The following OPRM1 variants were observed in gnomAD, a reference collection of about 807,000 sequenced individuals.
OPRM1 encodes the protein opioid receptor mu 1.
A neutral mutation model predicts 31.8 loss-of-function variants in OPRM1; 27 were observed. That is an observed-to-expected ratio of 0.85 (90% CI 0.63 to 1.17). The LOEUF is 1.17. Ranked by LOEUF, OPRM1 falls within the 50% of genes most tolerant of loss-of-function variation. OPRM1 has a pLI of 0.00. For synonymous variants in OPRM1, 196 were observed against 189.9 expected, an observed-to-expected ratio of 1.03 and a Z score of -0.26; for missense variants, 536 against 511.1, an observed-to-expected ratio of 1.05 and a Z score of -0.47.
At chr6:154,073,911 G>C (rs1224211293) in intron 1 of OPRM1, 1 of 152,242 alleles carries the variant, frequency 6.6e-6, no homozygotes, top group African/African-American at 2.4e-5. Context: ...AGAATCATTT[G>C]AACCTGGGAG....
intron 3 of OPRM1, among the ~76,000 whole-genome samples, chr6:154,235,795 G>A (rs1174034399): frequency 6.6e-6 from 1 of 152,184 alleles, no homozygotes; most frequent in Non-Finnish European, 1.5e-5. Context: ...TGCGAAAGTT[G>A]CTCAAGGTCA....
chr6:154,143,750 A>T (rs1203682818), intron 3 of OPRM1, among the ~76,000 whole-genome samples: 2 of 152,190 alleles, frequency 1.3e-5, no homozygotes, highest in Non-Finnish European at 2.9e-5. Flanking sequence ...CTAAAACAAG[A>T]CTCAGGAATT....
At chr6:154,073,336 A>C (rs1383699680) in intron 1 of OPRM1, among the ~76,000 whole-genome samples, 1 of 152,200 alleles carries the variant, frequency 6.6e-6, no homozygotes, top group Admixed American at 6.5e-5. Flanking sequence ...GGGCAGAGAT[A>C]CTAGGCTATA....
chr6:154,074,371 C>T (rs1034382098), intron 1 of OPRM1: 9 of 152,106 alleles, frequency 5.9e-5, no homozygotes, highest in African/African-American at 2.2e-4. Flanking sequence ...CTAAAAATAA[C>T]AACTTTAATT....
chr6:154,042,846 A>G (rs934439550), intron 1 of OPRM1, among the ~76,000 whole-genome samples: 4 of 152,206 alleles, frequency 2.6e-5, no homozygotes, highest in Non-Finnish European at 1.5e-5. Context: ...TATCACAAAG[A>G]TTTTAGAAAA....
chr6:154,146,485 A>G (rs192366194), intron 3 of OPRM1, among the ~76,000 whole-genome samples: 1 of 152,386 alleles, frequency 6.6e-6, no homozygotes, highest in Non-Finnish European at 1.5e-5. Flanking sequence ...GGTAACACTT[A>G]AACTCCAGCC....
chr6:154,025,766 A>G (rs1406804807), intron 1 of OPRM1, among the ~76,000 whole-genome samples: 2 of 152,048 alleles, frequency 1.3e-5, no homozygotes, highest in East Asian at 3.8e-4. Context: ...TTTAACCTGA[A>G]AACAATTTAG....
rs1270626788 is a variant in OPRM1 at position 154,120,940 on chromosome 6, A to G, written c.*2219A>G. Among the ~76,000 whole-genome samples, 1 of 152,186 alleles carries G rather than the reference A, an allele frequency of 6.6e-6. No homozygotes were observed. Among genetic ancestry groups the G allele is most frequent in the African/African-American group, 2.4e-5 (1 of 41,452 alleles). Reference sequence around the variant, plus strand: ...CAATAAAGGGAGTTATTTTTAAAATAAGACATTCTAAAGTAAATAATAAAT... The same window carrying G: ...CAATAAAGGGAGTTATTTTTAAAATGAGACATTCTAAAGTAAATAATAAAT... On this transcript the variant is annotated 3_prime_UTR_variant, in exon 4 of 4. Coordinates refer to ENST00000330432, the MANE Select transcript of OPRM1 (RefSeq NM_000914.5).
intron 1 of OPRM1, chr6:154,086,980 G>C (rs1293588318): frequency 1.0e-6 from 1 of 983,726 alleles, no homozygotes; most frequent in African/African-American, 1.7e-5. Context: ...GTTGGTTTTT[G>C]TACTTTGGAG....
Position 154,126,982 on chromosome 6 carries a change from G to A in OPRM1, c.*8261G>A, listed in dbSNP as rs1037068388. Among the ~76,000 whole-genome samples the A allele has an allele frequency of 7.9e-5, 12 of 152,066 alleles. No homozygotes were observed. Among genetic ancestry groups the A allele is most frequent in the African/African-American group, 2.4e-4 (10 of 41,412 alleles). On this transcript the variant is annotated 3_prime_UTR_variant, in exon 4 of 4. Transcript: ENST00000330432. ...AAATTAGGAAGGCGTGGTGGTGCACGCCTGTAATCCCAGCTAGTCGGGAGG... is the reference window on the plus strand; with the variant it reads ...AAATTAGGAAGGCGTGGTGGTGCACACCTGTAATCCCAGCTAGTCGGGAGG...
Position 154,039,599 on chromosome 6 carries a change from T to C in OPRM1, c.55T>C (p.Tyr19His). Reference sequence around the variant, plus strand: ...CAGCAATTGCACTGATGCCTTGGCGTACTCAAGTTGCTCCCCAGCACCCAG... The same window carrying C: ...CAGCAATTGCACTGATGCCTTGGCGCACTCAAGTTGCTCCCCAGCACCCAG... ...NASNCTDALAYSSCSPAPSPG... is the reference protein window; with the variant it reads ...NASNCTDALAHSSCSPAPSPG... Residue 19 changes from tyrosine to histidine, a missense_variant, in exon 1 of 4, where the codon TAC becomes CAC. By Grantham distance (83) the Tyr-to-His change is moderately conservative. Transcript: ENST00000330432. 2 of 1,613,874 alleles carry C rather than the reference T, an allele frequency of 1.2e-6. No homozygotes were observed. Among genetic ancestry groups the C allele is most frequent in the Non-Finnish European group, 1.7e-6 (2 of 1,179,892 alleles).
intron 1 of OPRM1, among the ~76,000 whole-genome samples, chr6:154,088,923 T>A (rs570502195): frequency 2.3e-4 from 35 of 152,120 alleles, no homozygotes; most frequent in Admixed American, 4.6e-4. Flanking sequence ...CTCTGTTACC[T>A]CTCTGTCTAG....
chr6:154,235,302 G>A (rs1281095315), intron 3 of OPRM1, among the ~76,000 whole-genome samples: 7 of 152,122 alleles, frequency 4.6e-5, no homozygotes, highest in Non-Finnish European at 8.8e-5. Flanking sequence ...AGGCCAAGGC[G>A]GGCAGATCAC....
intron 3 of OPRM1, among the ~76,000 whole-genome samples, chr6:154,225,530 C>A (rs1054195777): frequency 6.6e-6 from 1 of 152,140 alleles, no homozygotes; most frequent in African/African-American, 2.4e-5. Flanking sequence ...TATGAAATAT[C>A]CAGAAGTGGA....
chr6:154,143,981 A>C (rs1206467687), intron 3 of OPRM1, among the ~76,000 whole-genome samples: 1 of 152,238 alleles, frequency 6.6e-6, no homozygotes, highest in Admixed American at 6.5e-5. Context: ...ATCAGAAATG[A>C]AACAGGGTTT....
At chr6:154,221,527 C>T (rs1261361467) in intron 3 of OPRM1, among the ~76,000 whole-genome samples, 1 of 152,104 alleles carries the variant, frequency 6.6e-6, no homozygotes. Flanking sequence ...TTTTTTATGT[C>T]AGAACGTCCA....
intron 3 of OPRM1, among the ~76,000 whole-genome samples, chr6:154,198,185 T>G (rs1004586158): frequency 6.6e-6 from 1 of 152,114 alleles, no homozygotes; most frequent in African/African-American, 2.4e-5. Flanking sequence ...CAAAAAAAAG[T>G]TCTTATGCTG....
chr6:154,103,273 C>G (rs756595867), intron 3 of OPRM1, among the ~76,000 whole-genome samples: 1 of 152,034 alleles, frequency 6.6e-6, no homozygotes, highest in Non-Finnish European at 1.5e-5. Context: ...AACTGAAAAC[C>G]ACAGAATATT....
At chr6:154,225,935 A>T (rs1487718634) in intron 3 of OPRM1, among the ~76,000 whole-genome samples, 1 of 152,176 alleles carries the variant, frequency 6.6e-6, no homozygotes, top group Non-Finnish European at 1.5e-5. Flanking sequence ...TACTGTTTTT[A>T]GTCCTCCCTT....
Sources: allele counts gnomAD v4.1 joint callset (sites outside exome capture counted in the v4.1 genomes callset), GRCh38; gene constraint gnomAD v4.1.1; transcripts MANE v1.5; gene names NCBI Gene and HGNC (gene_info 2026-07-23, HGNC 2026-07-21).